TNIK: variants seen among roughly 807,000 people sequenced by gnomAD.
TNIK encodes the protein TRAF2 and NCK-interacting protein kinase.
In TNIK, 49 loss-of-function variants were observed where a neutral mutation model predicts 191.3. The observed-to-expected ratio is 0.26, with a 90% CI of 0.20 to 0.32. TNIK has a LOEUF of 0.32. TNIK is among the 10% of genes least tolerant of loss of function. The pLI is 1.00. For missense variants in TNIK, 1,155 were observed against 1,702.3 expected, an observed-to-expected ratio of 0.68 and a Z score of 5.66; for synonymous variants, 594 against 600.9, an observed-to-expected ratio of 0.99 and a Z score of 0.17.
chr3:171,139,378 GCACACACACACA>G lies in TNIK; in HGVS notation c.1419+80_1419+91del, dbSNP rs34521732. 70 of 692,872 alleles carry G rather than the reference GCACACACACACA, an allele frequency of 1.0e-4. 1 individual carries two copies. The highest frequency in any genetic ancestry group is 3.4e-4 in the South Asian group (20 of 58,460). 42.9% of individuals were successfully genotyped at this position (692,872 alleles called of 1,614,324 possible). A position where few individuals can be genotyped will look rare whatever the true frequency, so the allele number is the denominator to read the frequency against. ...ATGTTAGAAGGACACACGCACGCGCGCACACACACACACACACACACACACACACACACACAA... is the reference window on the plus strand; with the variant it reads ...ATGTTAGAAGGACACACGCACGCGCGCACACACACACACACACACACACAA... On this transcript the variant is annotated intron_variant, in intron 14 of 32. Coordinates refer to ENST00000436636, the MANE Select transcript of TNIK (RefSeq NM_015028.4).
chr3:171,393,163 A>G (rs1719788997), intron 1 of TNIK, among the ~76,000 whole-genome samples: 2 of 152,144 alleles, frequency 1.3e-5, no homozygotes, highest in Admixed American at 1.3e-4. Flanking sequence ...CAAAGAATCT[A>G]TCTAAGTTTG....
At chr3:171,127,691 T>C (rs1380381172) in intron 16 of TNIK, among the ~76,000 whole-genome samples, 3 of 152,270 alleles carry the variant, frequency 2.0e-5, no homozygotes, top group African/African-American at 4.8e-5. Context: ...CATGAAAGAA[T>C]TATATACAAA....
chr3:171,250,228 G>A (rs1746075926), intron 2 of TNIK, among the ~76,000 whole-genome samples: 1 of 152,154 alleles, frequency 6.6e-6, no homozygotes, highest in South Asian at 2.1e-4. Flanking sequence ...TTTGCTTTCT[G>A]GTAATGCCAG....
chr3:171,096,481 A>AT (rs930066819), intron 22 of TNIK, among the ~76,000 whole-genome samples: 2 of 151,868 alleles, frequency 1.3e-5, no homozygotes, highest in South Asian at 2.1e-4. Context: ...CACTAACCTA[A>AT]TTTTTTTTAA....
intron 6 of TNIK, among the ~76,000 whole-genome samples, chr3:171,190,077 A>T (rs567888508): frequency 6.6e-6 from 1 of 152,208 alleles, no homozygotes; most frequent in Non-Finnish European, 1.5e-5. Flanking sequence ...TCTTACTCAT[A>T]TACATCAAGC....
intron 15 of TNIK, among the ~76,000 whole-genome samples, chr3:171,136,262 C>G (rs971501370): frequency 5.9e-5 from 9 of 152,198 alleles, no homozygotes; most frequent in Admixed American, 1.3e-4. Flanking sequence ...CTTAGCGATG[C>G]AGCATTTCTT....
At chr3:171,208,554 T>TTGTGTGTG (rs111537330) in intron 4 of TNIK, among the ~76,000 whole-genome samples, 1 of 118,854 alleles carries the variant, frequency 8.4e-6, no homozygotes, top group Non-Finnish European at 1.8e-5. Context: ...TATTTTATTT[T>TTGTGTGTG]TGTGTGTATG....
At chr3:171,096,786 G>A (rs1722783922) in intron 22 of TNIK, among the ~76,000 whole-genome samples, 1 of 152,150 alleles carries the variant, frequency 6.6e-6, no homozygotes, top group Non-Finnish European at 1.5e-5. Context: ...CAAGCATGGT[G>A]CCTGGAATGC....
At chr3:171,347,633 C>T (rs11922986) in intron 2 of TNIK, among the ~76,000 whole-genome samples, 5 of 152,192 alleles carry the variant, frequency 3.3e-5, no homozygotes, top group South Asian at 2.1e-4. Flanking sequence ...CAGGAGTCAT[C>T]GGAGCAGCAG....
intron 2 of TNIK, among the ~76,000 whole-genome samples, chr3:171,310,840 A>G (rs7636084): frequency 0.39 from 58,662 of 151,822 alleles, 11,688 homozygotes; most frequent in Non-Finnish European, 0.42. Context: ...AAACAAAAAG[A>G]AAGCTGATAG....
intron 25 of TNIK, among the ~76,000 whole-genome samples, chr3:171,084,708 G>T (rs1721122740): frequency 6.6e-6 from 1 of 152,174 alleles, no homozygotes; most frequent in South Asian, 2.1e-4. Context: ...TAGAAAGCAA[G>T]ACTCCTTTAA....
rs1027110497 is a variant in TNIK, at chr3:171,269,777, G to T, written c.124-41556C>A. On this transcript the variant is annotated intron_variant, in intron 2 of 32. Transcript: ENST00000436636. ...TTTGCTTCATGTTTAGAGGGAAGGT[G>T]ATATGTGACAATCACTGCTGAAATG... is the stretch of plus-strand genomic sequence containing the variant. Among the ~76,000 whole-genome samples, 6 of 152,312 alleles carry T rather than the reference G, an allele frequency of 3.9e-5. No homozygotes were observed. In the East Asian group the frequency reaches 1.2e-3, roughly 29 times the overall value.
At chr3:171,290,928 G>A (rs914218422) in intron 2 of TNIK, among the ~76,000 whole-genome samples, 4 of 152,088 alleles carry the variant, frequency 2.6e-5, no homozygotes, top group African/African-American at 4.8e-5. Context: ...AATGATCAAC[G>A]ATCTTAGTAT....
chr3:171,181,819 G>T (rs1022453646), intron 7 of TNIK, among the ~76,000 whole-genome samples: 1 of 152,118 alleles, frequency 6.6e-6, no homozygotes, highest in South Asian at 2.1e-4. Flanking sequence ...CTAGATTTCT[G>T]GTGACATAAG....
chr3:171,318,119 C>CTA (rs1440674452), intron 2 of TNIK, among the ~76,000 whole-genome samples: 1 of 152,166 alleles, frequency 6.6e-6, no homozygotes, highest in Non-Finnish European at 1.5e-5. Flanking sequence ...TATGCTGCTT[C>CTA]TATACCTCAG....
intron 2 of TNIK, among the ~76,000 whole-genome samples, chr3:171,357,232 G>A (rs6790824): frequency 0.29 from 44,239 of 151,854 alleles, 6,689 homozygotes; most frequent in East Asian, 0.47. Context: ...TCAAACAGTT[G>A]AGATGAAGCA....
At chr3:171,432,215 G>A (rs891427419) in intron 1 of TNIK, among the ~76,000 whole-genome samples, 2 of 151,956 alleles carry the variant, frequency 1.3e-5, no homozygotes, top group Non-Finnish European at 2.9e-5. Flanking sequence ...ATCGACTTGT[G>A]GAAAATAATA....
intron 1 of TNIK, among the ~76,000 whole-genome samples, chr3:171,385,850 G>A (rs771983971): frequency 6.6e-6 from 1 of 152,122 alleles, no homozygotes; most frequent in Non-Finnish European, 1.5e-5. Context: ...TAAGGCAAAT[G>A]GATTTCAAGT....
chr3:171,110,864 G>T lies in TNIK; in HGVS notation c.2134C>A (p.Arg712=). ...CTCTCCAAGATGGGCTCAGTTCTCC[G>T]GAGATCAGGGTTGCTGTGTGAGTGA... ...QPIRASNPDL[R]RTEPILESPL... The change falls in exon 19 of 33, where the codon CGG becomes AGG. Residue 712 remains arginine, a synonymous_variant. Transcript: ENST00000436636. The T allele has an allele frequency of 1.2e-6, 2 of 1,602,514 alleles. No homozygotes were observed. Among genetic ancestry groups the T allele is most frequent in the Non-Finnish European group, 8.5e-7 (1 of 1,175,272 alleles).
Sources: gnomAD v4.1 joint callset for allele counts (sites outside exome capture counted in the v4.1 genomes callset) on GRCh38, gnomAD v4.1.1 for gene constraint, MANE v1.5 for transcripts, NCBI Gene and HGNC (gene_info 2026-07-23, HGNC 2026-07-21) for gene names.